HTN1: variants seen among roughly 807,000 people sequenced by gnomAD.
The protein encoded by HTN1 is histatin-1.
Under a neutral mutation model 11.2 loss-of-function variants are expected in HTN1, and 18 were observed. That is an observed-to-expected ratio of 1.61 (90% CI 1.12 to 2.39). HTN1 has a LOEUF of 2.39. Among genes scored for constraint, HTN1 ranks in the 30% most tolerant of loss-of-function variants. The pLI is 0.00. For missense variants in HTN1, 80 were observed against 67.2 expected (o/e 1.19, Z -0.67); for synonymous variants, 21 against 20.5 (o/e 1.02, Z -0.07).
chr4:70,054,180 A>G (rs1280940304), intron 2 of HTN1, 142 bp from the exon 3 acceptor site: 2 of 526,258 alleles, frequency 3.8e-6, no homozygotes, highest in Non-Finnish European at 6.6e-6. Flanking sequence ...TCATAAAGCT[A>G]AAATAACTAA....
intron 2 of HTN1, among the ~76,000 whole-genome samples, chr4:70,053,803 A>G (rs1725959803): frequency 6.6e-6 from 1 of 152,068 alleles, no homozygotes; most frequent in Non-Finnish European, 1.5e-5. Context: ...AAGAATAATA[A>G]TACTCCAAAC....
In HTN1 at chr4:70,055,544, G is replaced by A; in HGVS notation, c.149G>A (p.Gly50Glu). ...GAATTTCCATTTTATGGGGACTATG[G>A]ATCAAATTATCTATATGACAATTGA... ...HREFPFYGDY[G>E]SNYLYDN Residue 50 changes from glycine to glutamate, a missense_variant, in exon 5 of 6, where the codon GGA (glycine) becomes GAA (glutamate). By Grantham distance (98) the Gly-to-Glu change is moderately conservative. Coordinates refer to ENST00000246896, the MANE Select transcript of HTN1 (RefSeq NM_002159.4). 1 of 1,591,920 alleles carries A rather than the reference G, an allele frequency of 6.3e-7. No homozygotes were observed. Among genetic ancestry groups the A allele is most frequent in the East Asian group, 2.2e-5 (1 of 44,622 alleles).
Position 70,054,209 on chromosome 4 carries a change from AAAG to A in HTN1, c.52-110_52-108del, listed in dbSNP as rs748840696. 211 of 654,140 alleles carry A rather than the reference AAAG, an allele frequency of 3.2e-4. 1 individual carries two copies. The highest frequency in any genetic ancestry group is 3.4e-4 in the Non-Finnish European group (133 of 395,680). The allele number at this position is 654,140 out of a possible 1,614,324, so 40.5% of individuals were successfully genotyped here. A position where few individuals can be genotyped will look rare whatever the true frequency, so the allele number is the denominator to read the frequency against. Reference sequence around the variant, plus strand: ...TAACTAATTTAGTCTGTCATCAACCAAAGAATGCCTCCATTCTGTTTAATCATA... The same window carrying A: ...TAACTAATTTAGTCTGTCATCAACCAAATGCCTCCATTCTGTTTAATCATA... On this transcript the variant is annotated intron_variant, in intron 2 of 5. Coordinates refer to ENST00000246896, the MANE Select transcript of HTN1 (RefSeq NM_002159.4).
intron 1 of HTN1, among the ~76,000 whole-genome samples, chr4:70,051,298 G>T (rs191250793): frequency 8.6e-4 from 131 of 152,096 alleles, no homozygotes; most frequent in African/African-American, 2.6e-3. Flanking sequence ...CTGTTATAAT[G>T]CAAAGCATAT....
At chr4:70,052,609 G>T (rs960290979) in intron 1 of HTN1, among the ~76,000 whole-genome samples, 2 of 151,846 alleles carry the variant, frequency 1.3e-5, no homozygotes, top group African/African-American at 4.8e-5. Flanking sequence ...CCATTTGTGT[G>T]TTTCATTAGC....
chr4:70,053,116 A>C lies in HTN1; in HGVS notation c.40A>C (p.Ile14Leu). The C allele has an allele frequency of 1.2e-6, 2 of 1,605,154 alleles. No individual in the cohort carries two copies. The change falls in exon 2 of 6, where the codon ATT becomes CTT. Residue 14 changes from isoleucine to leucine, a missense_variant. By Grantham distance (5) the Ile-to-Leu change is conservative. Transcript: ENST00000246896. ...CTTTGCTTTAGTCTTGGCTCTCATG[A>C]TTTCCATGATTGTAAGTATATCTGG... ...FVFALVLALM[I>L]SMISADSHEK...
At chr4:70,054,301 C>A in intron 2 of HTN1, 21 bp from the exon 3 acceptor site, 1 of 1,373,464 alleles carries the variant, frequency 7.3e-7, no homozygotes, top group East Asian at 2.5e-5. Flanking sequence ...TAATTATTTT[C>A]TCATTTTCTT....
At position 70,053,629 on chromosome 4, in the gene HTN1, A is replaced by T. The variant is rs574928059; in HGVS notation, c.51+502A>T. ...AACCATAAAACAAATCTCCATATTT[A>T]TTAAGTGTCATGAGTTCCCAGCTCT... On this transcript the variant is annotated intron_variant, in intron 2 of 5. Coordinates refer to ENST00000246896, the MANE Select transcript of HTN1 (RefSeq NM_002159.4). 1.4e-4 allele frequency among the ~76,000 whole-genome samples: 22 copies of T among 152,318 alleles called. No individual in the cohort carries two copies. In the South Asian group the frequency reaches 4.6e-3, roughly 32 times the overall value.
At chr4:70,053,629 A>G (rs574928059) in intron 2 of HTN1, among the ~76,000 whole-genome samples, 2 of 152,200 alleles carry the variant, frequency 1.3e-5, no homozygotes, top group Non-Finnish European at 2.9e-5. Flanking sequence ...CTCCATATTT[A>G]TTAAGTGTCA....
chr4:70,055,537 G>A lies in HTN1; in HGVS notation c.142G>A (p.Asp48Asn), dbSNP rs570491653. 1 of 1,598,746 alleles carries A rather than the reference G, an allele frequency of 6.3e-7. No individual in the cohort carries two copies. The highest frequency in any genetic ancestry group is 1.3e-5 in the African/African-American group (1 of 74,558). Reference sequence around the variant, plus strand: ...ACATCGAGAATTTCCATTTTATGGGGACTATGGATCAAATTATCTATATGA... The same window carrying A: ...ACATCGAGAATTTCCATTTTATGGGAACTATGGATCAAATTATCTATATGA... The part of the protein sequence containing the change: ...HSHREFPFYG[D>N]YGSNYLYDN Residue 48 changes from aspartate (D) to asparagine (N), a missense_variant, in exon 5 of 6, where the codon GAC becomes AAC. Asp to Asn is a conservative substitution (Grantham distance 23). Transcript: ENST00000246896.
At chr4:70,055,711 G>A (rs1726022424) in intron 5 of HTN1, 109 bp downstream of exon 5, 1 of 599,484 alleles carries the variant, frequency 1.7e-6, no homozygotes, top group African/African-American at 1.9e-5. Context: ...GCATGGGTTA[G>A]CTCCTTGAAG....
chr4:70,052,911 A>G (rs989013958), intron 1 of HTN1, 153 bp from the exon 2 acceptor site: 26 of 610,100 alleles, frequency 4.3e-5, no homozygotes, highest in Admixed American at 2.9e-4. Context: ...CAGATGGTCC[A>G]GGCTGCAGTG....
intron 2 of HTN1, among the ~76,000 whole-genome samples, chr4:70,054,011 A>G (rs1314486186): frequency 1.3e-5 from 2 of 152,286 alleles, no homozygotes; most frequent in East Asian, 3.9e-4. Context: ...TATTCATATA[A>G]AAAACAATCC....
At chr4:70,052,302 A>G (rs1578182735) in intron 1 of HTN1, among the ~76,000 whole-genome samples, 2 of 152,288 alleles carry the variant, frequency 1.3e-5, no homozygotes, top group East Asian at 3.9e-4. Flanking sequence ...TTATAAAGCC[A>G]GTCTCCATTG....
Position 70,054,343 on chromosome 4 carries a change from G to T in HTN1, c.72+1G>T. On this transcript the variant is annotated splice_donor_variant, in intron 3 of 5. Coordinates refer to ENST00000246896, the MANE Select transcript of HTN1 (RefSeq NM_002159.4). LOFTEE classifies it high-confidence loss of function. Reference sequence around the variant, plus strand: ...CAAGAGCGCTGATTCACATGAAAAGGTAAGACATTTTCATTTACGGGAAAA... The same window carrying T: ...CAAGAGCGCTGATTCACATGAAAAGTTAAGACATTTTCATTTACGGGAAAA... The T allele has an allele frequency of 6.5e-7, 1 of 1,532,652 alleles. No individual in the cohort carries two copies. Among genetic ancestry groups the T allele is most frequent in the Non-Finnish European group, 8.9e-7 (1 of 1,125,824 alleles). The allele number at this position is 1,532,652 out of a possible 1,614,324, so 94.9% of individuals were successfully genotyped here. A position where few individuals can be genotyped will look rare whatever the true frequency, so the allele number is the denominator to read the frequency against.
At chr4:70,054,495 TCTGA>T (rs780863650) in intron 4 of HTN1, 45 bp downstream of exon 4, 74 of 1,221,372 alleles carry the variant, frequency 6.1e-5, no homozygotes, top group African/African-American at 3.5e-4. Context: ...AATTTTCCTC[TCTGA>T]CTATTTATTC....
At chr4:70,053,809 C>G (rs1170871059) in intron 2 of HTN1, among the ~76,000 whole-genome samples, 1 of 151,990 alleles carries the variant, frequency 6.6e-6, no homozygotes, top group East Asian at 1.9e-4. Context: ...AATAATACTC[C>G]AAACTATCCA....
Position 70,055,566 on chromosome 4 carries a change from T to C in HTN1, c.171T>C (p.Asn57=), listed in dbSNP as rs1726018890. The C allele has an allele frequency of 1.9e-6, 3 of 1,541,860 alleles. No homozygotes were observed. The highest frequency in any genetic ancestry group is 3.4e-5 in the Admixed American group (2 of 59,648). ...ATGGATCAAATTATCTATATGACAA[T>C]TGATATCCTTAGTAATCATGGGGCA... ...GDYGSNYLYD[N] The change falls in exon 5 of 6, where the codon AAT becomes AAC. Residue 57 remains asparagine (N), a synonymous_variant. Coordinates refer to ENST00000246896, the MANE Select transcript of HTN1 (RefSeq NM_002159.4).
At chr4:70,050,810 G>GA (rs1725873351) in intron 1 of HTN1, among the ~76,000 whole-genome samples, 1 of 151,896 alleles carries the variant, frequency 6.6e-6, no homozygotes, top group African/African-American at 2.4e-5. Context: ...ACGTGTGCAG[G>GA]ACATGCAGAT....
Sources: allele counts gnomAD v4.1 joint callset (sites outside exome capture counted in the v4.1 genomes callset), GRCh38; gene constraint gnomAD v4.1.1; transcripts MANE v1.5; gene names NCBI Gene and HGNC (gene_info 2026-07-23, HGNC 2026-07-21).